Variants in SYCP2 observed in about 807,000 individuals in gnomAD.
The protein encoded by SYCP2 is synaptonemal complex lateral element protein.
SYCP2 carries 55 observed loss-of-function variants against 211.3 expected under a neutral mutation model. The ratio of observed to expected loss-of-function variants is 0.26; its 90% CI spans 0.21 to 0.33. The LOEUF is 0.33. Among genes scored for constraint, SYCP2 ranks in the 10% least tolerant of loss-of-function variants. The probability of loss-of-function intolerance (pLI) is 1.00; values close to 1 mark genes in which losing one functional copy is unlikely to be tolerated. For synonymous variants in SYCP2, 570 were observed against 555.2 expected (o/e 1.03, Z -0.37); for missense variants, 1,731 against 1,752.0 (o/e 0.99, Z 0.21).
chr20:59,875,596 T>C, intron 33 of SYCP2, 127 bp from the exon 34 acceptor site: 1 of 627,320 alleles, frequency 1.6e-6, no homozygotes, highest in African/African-American at 1.9e-5. Flanking sequence ...AACAAGGACC[T>C]AGACATGAGT....
In SYCP2 at chr20:59,919,538, A is replaced by T; in HGVS notation, c.357T>A (p.Asp119Glu). The change falls in exon 6 of 45, where the codon GAT becomes GAA. Residue 119 changes from aspartate (D) to glutamate (E), a missense_variant. Physicochemically the swap from Asp to Glu is conservative, Grantham distance 45 (BLOSUM62 2). Coordinates refer to ENST00000357552, the MANE Select transcript of SYCP2 (RefSeq NM_014258.4). ...CTTCTATCATATTTAGAACAGCTTC[A>T]TCTTTTGAATTTCCTTGACTCTGAA... The part of the protein sequence containing the change: ...DIIQSQGNSK[D>E]EAVLNMIEDL... 1 of 1,610,408 alleles carries T rather than the reference A, an allele frequency of 6.2e-7. No individual in the cohort carries two copies. Among genetic ancestry groups the T allele is most frequent in the South Asian group, 1.1e-5 (1 of 90,748 alleles).
At chr20:59,868,266 TA>T in intron 38 of SYCP2, 146 bp downstream of exon 38, 1 of 784,260 alleles carries the variant, frequency 1.3e-6, no homozygotes, top group Non-Finnish European at 2.0e-6. Flanking sequence ...ATTATTCATA[TA>T]AATGTGAACT....
chr20:59,911,307 C>A (rs2060320332), intron 14 of SYCP2, among the ~76,000 whole-genome samples: 1 of 152,038 alleles, frequency 6.6e-6, no homozygotes, highest in African/African-American at 2.4e-5. Context: ...AAGAAAAAAA[C>A]TAAAATTAAC....
intron 19 of SYCP2, 78 bp downstream of exon 19, chr20:59,896,349 TTA>T (rs1414151662): frequency 1.4e-6 from 1 of 734,210 alleles, no homozygotes; most frequent in African/African-American, 1.8e-5. Context: ...TTTATGTAAA[TTA>T]TGTTCAGAAT....
rs766093219 is a variant in SYCP2 at position 59,893,538 on chromosome 20, G to A, written c.1721C>T (p.Pro574Leu). 3 of 1,606,692 alleles carry A rather than the reference G, an allele frequency of 1.9e-6. No individual in the cohort carries two copies. Among genetic ancestry groups the A allele is most frequent in the Middle Eastern group, 1.7e-4 (1 of 6,024 alleles). Residue 574 changes from proline to leucine, a missense_variant, in exon 21 of 45, where the codon CCA becomes CTA. Physicochemically the swap from Pro to Leu is moderately conservative, Grantham distance 98. This residue lies in a region of SYCP2 where 1,387 missense variants were observed against 1,351.3 expected (regional missense o/e 1.03). Coordinates refer to ENST00000357552, the MANE Select transcript of SYCP2 (RefSeq NM_014258.4). ...ENTENKNVEF[P>L]NQNFSELQDV... is the part of the protein sequence containing the mutation. ...AAGGTACTTACTAAAATTTTGGTTT[G>A]GGAATTCAACATTCTTATTTTCTGT...
At chr20:59,882,599 T>C (rs1449557477) in intron 26 of SYCP2, among the ~76,000 whole-genome samples, 2 of 151,904 alleles carry the variant, frequency 1.3e-5, no homozygotes, top group African/African-American at 4.8e-5. Context: ...TATTCAGCAA[T>C]AAAAAAAGAA....
intron 14 of SYCP2, 73 bp downstream of exon 14, chr20:59,911,677 C>T: frequency 3.3e-6 from 2 of 605,316 alleles, no homozygotes; most frequent in Non-Finnish European, 5.3e-6. Context: ...TAAAGAAATC[C>T]ACATTCTTAA....
At chr20:59,910,810 G>GA (rs1210362673) in intron 14 of SYCP2, among the ~76,000 whole-genome samples, 3 of 151,008 alleles carry the variant, frequency 2.0e-5, no homozygotes, top group East Asian at 2.0e-4. Context: ...GTAGCTCCTC[G>GA]AAAAAAAATC....
At chr20:59,911,675 TC>T (rs1219692744) in intron 14 of SYCP2, 74 bp downstream of exon 14, 20 of 593,922 alleles carry the variant, frequency 3.4e-5, no homozygotes, top group Admixed American at 1.9e-4. Flanking sequence ...TATAAAGAAA[TC>T]CACATTCTTA....
At chr20:59,876,427 A>T (rs2059561735) in intron 33 of SYCP2, among the ~76,000 whole-genome samples, 1 of 146,766 alleles carries the variant, frequency 6.8e-6, no homozygotes, top group African/African-American at 2.5e-5. Context: ...AGTGATAGAA[A>T]ATGTAGACCT....
intron 15 of SYCP2, among the ~76,000 whole-genome samples, chr20:59,905,599 A>C (rs981319035): frequency 6.6e-6 from 1 of 152,184 alleles, no homozygotes; most frequent in Non-Finnish European, 1.5e-5. Flanking sequence ...CTGGGGGTAG[A>C]GTACAAGGAT....
chr20:59,901,363 C>A (rs1057104167), intron 16 of SYCP2, among the ~76,000 whole-genome samples: 1 of 152,038 alleles, frequency 6.6e-6, no homozygotes, highest in African/African-American at 2.4e-5. Context: ...GTGTGTAATT[C>A]TCACGATGTT....
chr20:59,907,475 A>G, intron 14 of SYCP2, 51 bp from the exon 15 acceptor site: 1 of 1,462,466 alleles, frequency 6.8e-7, no homozygotes, highest in Non-Finnish European at 9.4e-7. Flanking sequence ...TCTGATTTAC[A>G]GTTTCTTTAA....
Position 59,873,293 on chromosome 20 carries a change from C to G in SYCP2, c.3555+563G>C, listed in dbSNP as rs35647615. On this transcript the variant is annotated intron_variant, in intron 35 of 44. Coordinates refer to ENST00000357552, the MANE Select transcript of SYCP2 (RefSeq NM_014258.4). ...CAGCATCAATACTCTTGCCCTTTGG[C>G]GGTATTGTTAAGTAAAATAAGGGTT... Among the ~76,000 whole-genome samples the G allele has an allele frequency of 7.8e-3, 1,187 of 152,224 alleles. 10 individuals carry two copies. Among genetic ancestry groups the G allele is most frequent in the Admixed American group, 0.014 (206 of 15,250 alleles).
At position 59,869,959 on chromosome 20, in the gene SYCP2, T is replaced by C. The variant is rs1368881459; in HGVS notation, c.3580A>G (p.Asn1194Asp). 1.3e-6 allele frequency: 2 copies of C among 1,599,924 alleles called. No homozygotes were observed. The highest frequency in any genetic ancestry group is 1.1e-5 in the South Asian group (1 of 89,748). ...FLPRHTPTKS[N>D]TIVNRKKISS... ...ATTTTTTTTCTATTTACAATAGTAT[T>C]ACTCTTAGTTGGAGTATGTCTGGGC... is the stretch of plus-strand genomic sequence containing the variant. The change falls in exon 36 of 45, where the codon AAT becomes GAT. Residue 1194 changes from asparagine to aspartate, a missense_variant. Physicochemically the swap from Asn to Asp is conservative, Grantham distance 23. Transcript: ENST00000357552.
Position 59,880,474 on chromosome 20 carries a change from A to G in SYCP2, c.2773-3T>C, listed in dbSNP as rs780320108. 4 of 1,528,994 alleles carry G rather than the reference A, an allele frequency of 2.6e-6. No homozygotes were observed. The South Asian group carries it at 5.0e-5, about 19-fold the overall frequency. The allele number at this position is 1,528,994 out of a possible 1,614,324, so 94.7% of individuals were successfully genotyped here. A position where few individuals can be genotyped will look rare whatever the true frequency, so the allele number is the denominator to read the frequency against. On this transcript the variant is annotated splice_polypyrimidine_tract_variant and splice_region_variant and intron_variant, in intron 30 of 44. Coordinates refer to ENST00000357552, the MANE Select transcript of SYCP2 (RefSeq NM_014258.4). Reference sequence around the variant, plus strand: ...TTCTTTTGATGATTTGTTATAATCTATAAAAAAAAGTTTGAAATGCATGAA... The same window carrying G: ...TTCTTTTGATGATTTGTTATAATCTGTAAAAAAAAGTTTGAAATGCATGAA...
chr20:59,893,656 A>G (rs1600883190), intron 20 of SYCP2, 63 bp from the exon 21 acceptor site: 1 of 1,234,316 alleles, frequency 8.1e-7, no homozygotes, highest in Non-Finnish European at 1.1e-6. Flanking sequence ...TAAATGTTAC[A>G]GTATTAAGGT....
intron 34 of SYCP2, 50 bp from the exon 35 acceptor site, chr20:59,874,111 G>C (rs758283194): frequency 1.0e-6 from 1 of 978,144 alleles, no homozygotes; most frequent in East Asian, 2.6e-5. Flanking sequence ...CGTTATCATT[G>C]ATGTCTGCTT....
In SYCP2 at chr20:59,892,018, T is replaced by A. The variant is rs573896663; in HGVS notation, c.2336A>T (p.Asn779Ile). The A allele has an allele frequency of 1.3e-6, 2 of 1,595,966 alleles. No homozygotes were observed. The highest frequency in any genetic ancestry group is 1.2e-5 in the South Asian group (1 of 86,874). ...TTTTTTTTGTTTCGAATCCCAGGAATTAAGCTCAGAAGTCAATTCTTTCTC... is the reference window on the plus strand; with the variant it reads ...TTTTTTTTGTTTCGAATCCCAGGAAATAAGCTCAGAAGTCAATTCTTTCTC... ...KAEKELTSEL[N>I]SWDSKQKKMR... Residue 779 changes from asparagine to isoleucine, a missense_variant, in exon 24 of 45, where the codon AAT (asparagine) becomes ATT (isoleucine). This residue lies in a region of SYCP2 where 1,387 missense variants were observed against 1,351.3 expected (regional missense o/e 1.03). Coordinates refer to ENST00000357552, the MANE Select transcript of SYCP2 (RefSeq NM_014258.4).
Sources: allele counts gnomAD v4.1 joint callset (sites outside exome capture counted in the v4.1 genomes callset), GRCh38; gene constraint gnomAD v4.1.1; regional missense constraint gnomAD v4.1.1; transcripts MANE v1.5; gene names NCBI Gene and HGNC (gene_info 2026-07-23, HGNC 2026-07-21).